LIPA: variants seen among roughly 807,000 people sequenced by gnomAD.
LIPA encodes the protein lysosomal acid lipase/cholesteryl ester hydrolase.
In LIPA, 26 loss-of-function variants were observed where a neutral mutation model predicts 40.6. The observed-to-expected ratio is 0.64, with a 90% CI of 0.47 to 0.89. LIPA has a LOEUF of 0.89. Among genes scored for constraint, LIPA ranks in the 40% least tolerant of loss-of-function variants. The pLI is 0.00. For synonymous variants in LIPA, 188 were observed against 168.4 expected (o/e 1.12, Z -0.90); for missense variants, 455 against 479.6 (o/e 0.95, Z 0.48).
At chr10:89,390,550 G>A (rs1844238610) in intron 2 of LIPA, among the ~76,000 whole-genome samples, 1 of 152,148 alleles carries the variant, frequency 6.6e-6, no homozygotes. Context: ...ACCTAGTGCT[G>A]AAATTTCATT....
intron 1 of LIPA, among the ~76,000 whole-genome samples, chr10:89,321,727 C>A (rs191449741): frequency 6.6e-6 from 1 of 152,308 alleles, no homozygotes; most frequent in Admixed American, 6.5e-5. Flanking sequence ...GGGTATATAT[C>A]CAAAGGATTA....
intron 2 of LIPA, among the ~76,000 whole-genome samples, chr10:89,397,764 T>G (rs1346446317): frequency 2.6e-5 from 4 of 152,226 alleles, no homozygotes; most frequent in Non-Finnish European, 5.9e-5. Flanking sequence ...TCTGTTGAAC[T>G]ATACCAATTT....
intron 1 of LIPA, among the ~76,000 whole-genome samples, chr10:89,303,220 G>A (rs1843457189): frequency 6.6e-6 from 1 of 152,126 alleles, no homozygotes; most frequent in Non-Finnish European, 1.5e-5. Context: ...CCCTAAGACA[G>A]TGGTTCTCAA....
intron 6 of LIPA, among the ~76,000 whole-genome samples, chr10:89,224,438 T>C (rs1055188360): frequency 1.3e-5 from 2 of 152,258 alleles, no homozygotes; most frequent in Non-Finnish European, 2.9e-5. Context: ...TGAGAGACGT[T>C]ATACCTCATT....
intron 1 of LIPA, chr10:89,307,017 A>C: frequency 6.2e-7 from 1 of 1,614,032 alleles, no homozygotes; most frequent in South Asian, 1.1e-5. Context: ...GAAGACGCAG[A>C]GTATTACTTC....
rs536601061 is a variant in LIPA at position 89,383,880 on chromosome 10, T to C, written c.61+28911A>G. On this transcript the variant is annotated intron_variant, in intron 2 of 8. Transcript: ENST00000371837. ...ACGCAATCACCGTCTATCGCCTGGA[T>C]AAATTTAACACAGCATCAGGGAGGA... 8.7e-6 allele frequency: 14 copies of C among 1,614,186 alleles called. No individual in the cohort carries two copies. The South Asian group carries it at 1.5e-4, about 18-fold the overall frequency.
At chr10:89,336,753 T>C (rs1309421411) in intron 1 of LIPA, among the ~76,000 whole-genome samples, 1 of 134,758 alleles carries the variant, frequency 7.4e-6, no homozygotes, top group Admixed American at 7.0e-5. Flanking sequence ...GTTCATAACT[T>C]TTTTTCTGAA....
intron 1 of LIPA, among the ~76,000 whole-genome samples, chr10:89,277,265 A>G (rs1843293330): frequency 1.3e-5 from 2 of 152,256 alleles, no homozygotes; most frequent in South Asian, 4.1e-4. Flanking sequence ...GCATTACTGC[A>G]TTTTTACTTA....
intron 1 of LIPA, among the ~76,000 whole-genome samples, chr10:89,316,917 C>A (rs544265262): frequency 5.9e-5 from 9 of 152,352 alleles, no homozygotes; most frequent in Admixed American, 2.0e-4. Flanking sequence ...TGCCTTTCTG[C>A]AGCCTCCACT....
intron 8 of LIPA, among the ~76,000 whole-genome samples, chr10:89,220,567 T>C (rs1385707820): frequency 3.3e-5 from 5 of 152,226 alleles, no homozygotes. Flanking sequence ...GTGGTAAGCA[T>C]GTGCTGTTCA....
chr10:89,267,473 G>A (rs1009673187), intron 1 of LIPA, among the ~76,000 whole-genome samples: 12 of 150,086 alleles, frequency 8.0e-5, no homozygotes, highest in African/African-American at 2.7e-4. Context: ...GTAAACTATC[G>A]CAAGAACAAA....
chr10:89,264,270 G>C (rs1843224375), intron 1 of LIPA, among the ~76,000 whole-genome samples: 1 of 152,224 alleles, frequency 6.6e-6, no homozygotes, highest in African/African-American at 2.4e-5. Context: ...GAAATATGCA[G>C]ACGACTGGAG....
At chr10:89,358,192 C>T (rs1311235220) in intron 2 of LIPA, among the ~76,000 whole-genome samples, 1 of 152,132 alleles carries the variant, frequency 6.6e-6, no homozygotes, top group Non-Finnish European at 1.5e-5. Context: ...GCCACAGTCC[C>T]AGGAAGGCCA....
At position 89,222,516 on chromosome 10, in the gene LIPA, T is replaced by C. The variant is rs147426329; in HGVS notation, c.889A>G (p.Ser297Gly). 9.1e-5 allele frequency: 146 copies of C among 1,606,208 alleles called. No individual in the cohort carries two copies. In the African/African-American group the frequency reaches 1.8e-3, roughly 20 times the overall value. The change falls in exon 8 of 10, where the codon AGC (serine) becomes GGC (glycine). Residue 297 changes from serine (S) to glycine (G), a missense_variant. Transcript: ENST00000336233. Reference protein sequence around the residue: ...GTSVQNMLHWSQAVKFQKFQA... With the variant: ...GTSVQNMLHWGQAVKFQKFQA... ...TGCACTCCTGGAATGCCTACCTGGC[T>C]CCAGTGTAACATGTTTTGCACAGAA...
chr10:89,221,208 C>T (rs962001725), intron 8 of LIPA, among the ~76,000 whole-genome samples: 1 of 151,512 alleles, frequency 6.6e-6, no homozygotes, highest in Non-Finnish European at 1.5e-5. Context: ...GTCACTTATA[C>T]CTCAATAAAA....
chr10:89,339,963 A>T (rs2133572663), intron 1 of LIPA: 1 of 1,614,214 alleles, frequency 6.2e-7, no homozygotes, highest in Middle Eastern at 1.6e-4. Context: ...AAGCAGCCAA[A>T]TGTTATGAGA....
At chr10:89,357,917 C>A (rs1843996787) in intron 2 of LIPA, among the ~76,000 whole-genome samples, 2 of 152,118 alleles carry the variant, frequency 1.3e-5, no homozygotes, top group African/African-American at 4.8e-5. Context: ...GGTACACATT[C>A]CTCTTTTCCT....
chr10:89,280,192 A>G (rs1843307933), intron 1 of LIPA, among the ~76,000 whole-genome samples: 1 of 152,230 alleles, frequency 6.6e-6, no homozygotes, highest in Admixed American at 6.5e-5. Context: ...ATCCAAGTTT[A>G]ACTTCAGACT....
rs398038546 is a variant in LIPA at position 89,250,107 on chromosome 10, C to CTTTTTTTTTTTTTTTTT, written c.-2+1629_-2+1630insAAAAAAAAAAAAAAAAA. Among the ~76,000 whole-genome samples the CTTTTTTTTTTTTTTTTT allele has an allele frequency of 2.8e-3, 271 of 95,988 alleles. 13 individuals are homozygous for CTTTTTTTTTTTTTTTTT. Among genetic ancestry groups the CTTTTTTTTTTTTTTTTT allele is most frequent in the Middle Eastern group, 6.6e-3 (1 of 152 alleles). 63.0% of individuals were successfully genotyped at this position (95,988 alleles called of 152,430 possible). A position where few individuals can be genotyped will look rare whatever the true frequency, so the allele number is the denominator to read the frequency against. On this transcript the variant is annotated intron_variant, in intron 1 of 9. Transcript: ENST00000336233. ...TTTTTCTTTTTCTTTTCTTTTCTTT[C>CTTTTTTTTTTTTTTTTT]TTTTTTTTTTTTGAGACAGTCTTGC... is the stretch of plus-strand genomic sequence containing the variant.
Sources: gnomAD v4.1 joint callset for allele counts (sites outside exome capture counted in the v4.1 genomes callset) on GRCh38, gnomAD v4.1.1 for gene constraint, MANE v1.5 for transcripts, NCBI Gene and HGNC (gene_info 2026-07-23, HGNC 2026-07-21) for gene names.